TSEN2: variants seen among roughly 807,000 people sequenced by gnomAD.
TSEN2 encodes the protein tRNA-splicing endonuclease subunit Sen2.
In TSEN2, 54 loss-of-function variants were observed where a neutral mutation model predicts 59.2. That is an observed-to-expected ratio of 0.91 (90% CI 0.73 to 1.14). The LOEUF (loss-of-function observed/expected upper bound fraction) is 1.14. Among genes scored for constraint, TSEN2 ranks in the 50% most tolerant of loss-of-function variants. The pLI, the probability that TSEN2 is intolerant of heterozygous loss-of-function variation, is 0.00. For missense variants in TSEN2, 636 were observed against 576.2 expected (o/e 1.10, Z -1.06); for synonymous variants, 195 against 198.2 (o/e 0.98, Z 0.14).
chr3:12,511,129 A>C (rs299660), intron 6 of TSEN2: 78,342 of 152,074 alleles, frequency 0.52, 21,136 homozygotes, highest in African/African-American at 0.66. Context: ...GGCAGTCTCC[A>C]CTCCAAGTAC....
intron 4 of TSEN2, among the ~76,000 whole-genome samples, chr3:12,497,680 G>A (rs151148023): frequency 9.8e-4 from 149 of 152,356 alleles, no homozygotes; most frequent in African/African-American, 3.5e-3. Context: ...GGTCAAGCCA[G>A]CCTGCCAGCG....
chr3:12,484,472 C>A (rs2052378302), upstream of TSEN2: 1 of 152,292 alleles, frequency 6.6e-6, no homozygotes, highest in Non-Finnish European at 1.5e-5. Context: ...GTCCGCCCCA[C>A]GGCCGGCGTT....
chr3:12,491,621 C>G (rs2053219131), intron 2 of TSEN2, among the ~76,000 whole-genome samples: 2 of 152,140 alleles, frequency 1.3e-5, no homozygotes, highest in Non-Finnish European at 2.9e-5. Flanking sequence ...TAAAAACTTA[C>G]TAGTACTCTT....
At chr3:12,493,405 T>A (rs1302929736) in intron 3 of TSEN2, among the ~76,000 whole-genome samples, 1 of 152,184 alleles carries the variant, frequency 6.6e-6, no homozygotes, top group Non-Finnish European at 1.5e-5. Context: ...GGTTCCAATT[T>A]CTCTACATCC....
chr3:12,490,917 TATAAC>T (rs1158633533), intron 2 of TSEN2, among the ~76,000 whole-genome samples: 1 of 152,234 alleles, frequency 6.6e-6, no homozygotes, highest in Admixed American at 6.5e-5. Context: ...ATTTACAGTA[TATAAC>T]ATTAAGCAAG....
At chr3:12,507,671 C>G (rs1407199195) in intron 6 of TSEN2, among the ~76,000 whole-genome samples, 2 of 152,182 alleles carry the variant, frequency 1.3e-5, no homozygotes, top group African/African-American at 4.8e-5. Flanking sequence ...TAGAATGTGA[C>G]TTTGGTCTTA....
chr3:12,481,230 G>T (rs2052189932), upstream of TSEN2, among the ~76,000 whole-genome samples: 1 of 152,166 alleles, frequency 6.6e-6, no homozygotes, highest in South Asian at 2.1e-4. Context: ...TGATACTGGG[G>T]ATATGTTGAT....
At chr3:12,516,714 G>C (rs1307744129) in intron 7 of TSEN2, 53 bp downstream of exon 7, 2 of 1,530,410 alleles carry the variant, frequency 1.3e-6, no homozygotes, top group African/African-American at 2.7e-5. Flanking sequence ...GTTGTTAAAA[G>C]CAGGTTGTAC....
chr3:12,534,077 A>G (rs1369253912), downstream of TSEN2, among the ~76,000 whole-genome samples: 3 of 152,134 alleles, frequency 2.0e-5, no homozygotes, highest in Non-Finnish European at 2.9e-5. Flanking sequence ...AAATGGCGCT[A>G]TCCTAAAAAT....
chr3:12,532,551 C>A, intron 11 of TSEN2, 111 bp from the exon 12 acceptor site: 1 of 993,766 alleles, frequency 1.0e-6, no homozygotes, highest in Non-Finnish European at 1.6e-6. Flanking sequence ...GGAACAGTAT[C>A]ATCATTATAT....
At chr3:12,481,427 T>C (rs1006743086), upstream of TSEN2, among the ~76,000 whole-genome samples, 9 of 152,374 alleles carry the variant, frequency 5.9e-5, no homozygotes, top group Admixed American at 3.3e-4. Flanking sequence ...AAGGAGACTC[T>C]GCCTTCTTGT....
intron 9 of TSEN2, 47 bp from the exon 10 acceptor site, chr3:12,529,715 G>T (rs2057337464): frequency 6.5e-7 from 1 of 1,546,616 alleles, no homozygotes; most frequent in Non-Finnish European, 8.9e-7. Flanking sequence ...TTTTTAAACA[G>T]ATTTATTTCA....
upstream of TSEN2, among the ~76,000 whole-genome samples, chr3:12,480,874 T>G (rs939982628): frequency 6.6e-5 from 10 of 152,198 alleles, no homozygotes; most frequent in East Asian, 1.9e-3. Context: ...GTATCCAGCA[T>G]GACAGATTAA....
At chr3:12,486,695 CTGTCT>C (rs1461989677) in intron 1 of TSEN2, among the ~76,000 whole-genome samples, 4 of 152,174 alleles carry the variant, frequency 2.6e-5, no homozygotes, top group Admixed American at 2.0e-4. Flanking sequence ...AATAAACCTC[CTGTCT>C]TATTAGCAGT....
chr3:12,525,061 G>A (rs2056971315), intron 8 of TSEN2, among the ~76,000 whole-genome samples: 1 of 152,012 alleles, frequency 6.6e-6, no homozygotes, highest in African/African-American at 2.4e-5. Flanking sequence ...ATCTGACATG[G>A]TCACTCTACC....
Position 12,497,908 on chromosome 3 carries a change from G to A in TSEN2, c.308+1354G>A, listed in dbSNP as rs556494983. ...GGTGTCAGCAGGGCCACAGTCCCTCGGAAGGCTCTGGGGGAGCATCCTTCC... is the reference window on the plus strand; with the variant it reads ...GGTGTCAGCAGGGCCACAGTCCCTCAGAAGGCTCTGGGGGAGCATCCTTCC... On this transcript the variant is annotated intron_variant, in intron 4 of 11. Coordinates refer to ENST00000284995, the MANE Select transcript of TSEN2 (RefSeq NM_025265.4). 5.3e-5 allele frequency among the ~76,000 whole-genome samples: 8 copies of A among 152,242 alleles called. No individual in the cohort carries two copies. In the East Asian group the frequency reaches 9.7e-4, roughly 18 times the overall value.
At chr3:12,523,676 A>G (rs1361306399) in intron 8 of TSEN2, among the ~76,000 whole-genome samples, 1 of 151,574 alleles carries the variant, frequency 6.6e-6, no homozygotes, top group African/African-American at 2.4e-5. Flanking sequence ...AGTAGCTGGG[A>G]TTACAGGCGC....
At chr3:12,499,856 G>A (rs1352476719) in intron 4 of TSEN2, among the ~76,000 whole-genome samples, 1 of 152,216 alleles carries the variant, frequency 6.6e-6, no homozygotes, top group African/African-American at 2.4e-5. Context: ...CTCAGGGTCA[G>A]TATGTGGACT....
At chr3:12,487,395 G>A (rs1269503622) in intron 1 of TSEN2, among the ~76,000 whole-genome samples, 2 of 152,212 alleles carry the variant, frequency 1.3e-5, no homozygotes, top group Non-Finnish European at 2.9e-5. Context: ...TGTGACAGCA[G>A]TCTGAGAGGG....
Sources: allele counts gnomAD v4.1 joint callset (sites outside exome capture counted in the v4.1 genomes callset), GRCh38; gene constraint gnomAD v4.1.1; transcripts MANE v1.5; gene names NCBI Gene and HGNC (gene_info 2026-07-23, HGNC 2026-07-21).